ANKRD36B: variants seen among roughly 807,000 people sequenced by gnomAD.
ANKRD36B encodes ankyrin repeat domain-containing protein 36B.
In ANKRD36B, 37 loss-of-function variants were observed where a neutral mutation model predicts 135.7. The ratio of observed to expected loss-of-function variants is 0.27; its 90% confidence interval spans 0.21 to 0.36. The LOEUF is 0.36. Ranked by LOEUF, ANKRD36B falls within the 10% of genes least tolerant of loss-of-function variation. The probability of loss-of-function intolerance (pLI) is 1.00; values close to 1 mark genes in which losing one functional copy is unlikely to be tolerated. For missense variants in ANKRD36B, 549 were observed against 1,037.1 expected, an observed-to-expected ratio of 0.53 and a Z score of 6.46; for synonymous variants, 179 against 348.1, an observed-to-expected ratio of 0.51 and a Z score of 5.41.
At chr2:97,548,691 G>A (rs954737554) in intron 20 of ANKRD36B, among the ~76,000 whole-genome samples, 2 of 151,878 alleles carry the variant, frequency 1.3e-5, no homozygotes, top group Non-Finnish European at 2.9e-5. Context: ...ATTCAAGTTT[G>A]TCTCATTTCT....
intron 4 of ANKRD36B, among the ~76,000 whole-genome samples, chr2:97,579,404 G>T (rs2082434626): frequency 7.0e-6 from 1 of 142,326 alleles, no homozygotes; most frequent in South Asian, 2.1e-4. Context: ...TCAGCTGAAG[G>T]GTCAGATAAG....
chr2:97,571,689 T>A (rs1342019538), intron 6 of ANKRD36B, among the ~76,000 whole-genome samples: 1 of 152,152 alleles, frequency 6.6e-6, no homozygotes, highest in Non-Finnish European at 1.5e-5. Context: ...ATAATTTGCA[T>A]CATTCAGGTC....
At chr2:97,550,482 T>C (rs908624074) in intron 18 of ANKRD36B, among the ~76,000 whole-genome samples, 1 of 151,930 alleles carries the variant, frequency 6.6e-6, no homozygotes, top group South Asian at 2.1e-4. Context: ...GGGAGTATCA[T>C]GTTATTTTCT....
At chr2:97,559,807 C>G in intron 8 of ANKRD36B, among the ~76,000 whole-genome samples, 1 of 151,906 alleles carries the variant, frequency 6.6e-6, no homozygotes, top group Non-Finnish European at 1.5e-5. Flanking sequence ...AATTAGAATT[C>G]AACATCATTT....
In ANKRD36B at chr2:97,496,361, A is replaced by G. The variant is rs1259155454; in HGVS notation, c.*7-3506T>C. Among the ~76,000 whole-genome samples, 174 of 82,962 alleles carry G rather than the reference A, an allele frequency of 2.1e-3. 15 individuals are homozygous for G. Among genetic ancestry groups the G allele is most frequent in the African/African-American group, 5.3e-3 (168 of 31,828 alleles). The allele number at this position is 82,962 out of a possible 152,430, so 54.4% of individuals were successfully genotyped here. A position where few individuals can be genotyped will look rare whatever the true frequency, so the allele number is the denominator to read the frequency against. On this transcript the variant is annotated intron_variant, in intron 43 of 43. Coordinates refer to ENST00000359901, the MANE Select transcript of ANKRD36B (RefSeq NM_001393939.1). Reference sequence around the variant, plus strand: ...TCTTCATAACATAAAAGTGCAAGGTAAAGCAGCCAGTGCTGATAGAGAAGC... The same window carrying G: ...TCTTCATAACATAAAAGTGCAAGGTGAAGCAGCCAGTGCTGATAGAGAAGC...
Position 97,532,640 on chromosome 2 carries a change from G to T in ANKRD36B, c.2192-256C>A, listed in dbSNP as rs1272839356. 3.2e-5 allele frequency among the ~76,000 whole-genome samples: 3 copies of T among 92,716 alleles called. 1 individual carries two copies. Among genetic ancestry groups the T allele is most frequent in the Non-Finnish European group, 8.6e-5 (3 of 35,082 alleles). 60.8% of individuals were successfully genotyped at this position (92,716 alleles called of 152,430 possible). ...CGGGAGGCTGGGGCAGGAGAATGGCGTCAGCCCGGGAGGTGGAGCTTGCAG... is the reference window on the plus strand; with the variant it reads ...CGGGAGGCTGGGGCAGGAGAATGGCTTCAGCCCGGGAGGTGGAGCTTGCAG... On this transcript the variant is annotated intron_variant, in intron 34 of 43. Transcript: ENST00000359901.
chr2:97,566,752 C>T (rs1209414786), intron 6 of ANKRD36B, among the ~76,000 whole-genome samples: 2 of 152,100 alleles, frequency 1.3e-5, no homozygotes, highest in Non-Finnish European at 2.9e-5. Context: ...CCCTTATCTG[C>T]TGTATGTGTA....
chr2:97,551,957 C>G (rs2080109182), intron 16 of ANKRD36B, among the ~76,000 whole-genome samples: 1 of 151,966 alleles, frequency 6.6e-6, no homozygotes, highest in African/African-American at 2.4e-5. Context: ...GATGACACTT[C>G]AGTTGAACGT....
intron 35 of ANKRD36B, among the ~76,000 whole-genome samples, chr2:97,527,040 G>A (rs1467723177): frequency 2.1e-5 from 2 of 95,340 alleles, no homozygotes; most frequent in African/African-American, 6.3e-5. Context: ...TTCAGATTCA[G>A]GAAATACAGA....
At chr2:97,559,652 G>A (rs2080847185) in intron 8 of ANKRD36B, among the ~76,000 whole-genome samples, 1 of 151,784 alleles carries the variant, frequency 6.6e-6, no homozygotes, top group Non-Finnish European at 1.5e-5. Context: ...GGCAACAAAC[G>A]ATAATGTATT....
At chr2:97,563,467 A>G (rs2081201016) in intron 6 of ANKRD36B, among the ~76,000 whole-genome samples, 1 of 151,682 alleles carries the variant, frequency 6.6e-6, no homozygotes, top group South Asian at 2.1e-4. Flanking sequence ...CACACACAAA[A>G]ACCAGAGCAA....
In ANKRD36B at chr2:97,565,695, GGAAA is replaced by G. The variant is rs1196575970; in HGVS notation, c.764-4839_764-4836del. ...TAGAAAGGCAATCGTTAAAAGGTCA[GGAAA>G]CAACAGATGCTGGAGCAGATGTGGA... On this transcript the variant is annotated intron_variant, in intron 6 of 43. Transcript: ENST00000359901. Among the ~76,000 whole-genome samples, 5 of 152,218 alleles carry G rather than the reference GGAAA, an allele frequency of 3.3e-5. No individual in the cohort carries two copies. In the East Asian group the frequency reaches 9.7e-4, roughly 29 times the overall value.
In ANKRD36B at chr2:97,532,611, T is replaced by G. The variant is rs566594310; in HGVS notation, c.2192-227A>C. Among the ~76,000 whole-genome samples, 129 of 93,714 alleles carry G rather than the reference T, an allele frequency of 1.4e-3. 34 individuals are homozygous for G. Among genetic ancestry groups the G allele is most frequent in the African/African-American group, 4.1e-3 (127 of 31,232 alleles). 61.5% of individuals were successfully genotyped at this position (93,714 alleles called of 152,430 possible). ...GGTGGCAGGTGCCTGTAGTCCCAGC[T>G]AGTCGGGAGGCTGGGGCAGGAGAAT... On this transcript the variant is annotated intron_variant, in intron 34 of 43. Transcript: ENST00000359901.
chr2:97,572,827 C>T (rs1461655931), intron 6 of ANKRD36B, among the ~76,000 whole-genome samples: 2 of 151,358 alleles, frequency 1.3e-5, no homozygotes, highest in Non-Finnish European at 2.9e-5. Flanking sequence ...AACACAGAGA[C>T]TTGGTATACT....
intron 43 of ANKRD36B, among the ~76,000 whole-genome samples, chr2:97,494,110 G>C (rs2969855): frequency 9.4e-6 from 1 of 106,750 alleles, no homozygotes; most frequent in Non-Finnish European, 2.6e-5. Context: ...ATTATCAGGT[G>C]TTTTTATAGC....
In ANKRD36B at chr2:97,554,703, A is replaced by G. The variant is rs183228904; in HGVS notation, c.1171+357T>C. Among the ~76,000 whole-genome samples, 416 of 152,050 alleles carry G rather than the reference A, an allele frequency of 2.7e-3. 2 individuals carry two copies. Among genetic ancestry groups the G allele is most frequent in the African/African-American group, 9.3e-3 (386 of 41,526 alleles). On this transcript the variant is annotated intron_variant, in intron 14 of 43. Coordinates refer to ENST00000359901, the MANE Select transcript of ANKRD36B (RefSeq NM_001393939.1). ...CAGTTTTCCGTCTGTTTTTATCAAT[A>G]CGATGTGACGTTTGTAAAATCTATA...
Position 97,524,686 on chromosome 2 carries a change from G to A in ANKRD36B, c.2266-1219C>T, listed in dbSNP as rs1286264005. 1.0e-4 allele frequency: 10 copies of A among 96,912 alleles called. 3 individuals are homozygous for A. The highest frequency in any genetic ancestry group is 9.2e-4 in the Admixed American group (10 of 10,884). 6.0% of individuals were successfully genotyped at this position (96,912 alleles called of 1,614,324 possible). ...GTATTTACTTAAGTTTGTTCTTCCT[G>A]TAGAGTTATTATGTAGTTGCTCTTC... On this transcript the variant is annotated intron_variant, in intron 35 of 43. Coordinates refer to ENST00000359901, the MANE Select transcript of ANKRD36B (RefSeq NM_001393939.1).
At chr2:97,586,117 C>T (rs2082967268) in intron 1 of ANKRD36B, among the ~76,000 whole-genome samples, 1 of 151,956 alleles carries the variant, frequency 6.6e-6, no homozygotes, top group African/African-American at 2.4e-5. Flanking sequence ...CAGTTCTATT[C>T]ATATAATTGG....
chr2:97,528,643 T>A (rs1451744076), intron 35 of ANKRD36B, among the ~76,000 whole-genome samples: 1 of 94,420 alleles, frequency 1.1e-5, no homozygotes. Flanking sequence ...TCAACAAAAT[T>A]GATAGACCGC....
Sources: gnomAD v4.1 joint callset for allele counts (sites outside exome capture counted in the v4.1 genomes callset) on GRCh38, gnomAD v4.1.1 for gene constraint, MANE v1.5 for transcripts, NCBI Gene and HGNC (gene_info 2026-07-23, HGNC 2026-07-21) for gene names.